The following GRIN2A variants were observed in gnomAD, a reference collection of about 807,000 sequenced individuals.
GRIN2A encodes the protein glutamate ionotropic receptor NMDA type subunit 2A, also known as glutamate receptor ionotropic, NMDA 2A.
In GRIN2A, 22 loss-of-function variants were observed where a neutral mutation model predicts 113.4. The observed-to-expected ratio is 0.19, with a 90% CI of 0.14 to 0.28. GRIN2A has a LOEUF of 0.28. Ranked by LOEUF, GRIN2A falls within the 10% of genes least tolerant of loss-of-function variation. GRIN2A has a pLI of 1.00. For synonymous variants in GRIN2A, 827 were observed against 738.4 expected (o/e 1.12, Z -1.94); for missense variants, 1,502 against 1,887.0 (o/e 0.80, Z 3.78).
chr16:9,821,177 T>C (rs930790356), intron 10 of GRIN2A, among the ~76,000 whole-genome samples: 1 of 152,160 alleles, frequency 6.6e-6, no homozygotes, highest in Non-Finnish European at 1.5e-5. Flanking sequence ...GCACCTACAG[T>C]CATGTTTCCA....
At chr16:9,888,678 GA>G (rs1267527790) in intron 4 of GRIN2A, among the ~76,000 whole-genome samples, 1 of 151,692 alleles carries the variant, frequency 6.6e-6, no homozygotes, top group East Asian at 1.9e-4. Flanking sequence ...GAATAAGACA[GA>G]AAAACTTAAA....
At chr16:9,785,445 G>C (rs1478850758) in intron 11 of GRIN2A, among the ~76,000 whole-genome samples, 3 of 112,972 alleles carry the variant, frequency 2.7e-5, no homozygotes, top group Admixed American at 1.0e-4. Context: ...GTTGTGGGGT[G>C]GGGGGAGGGG....
chr16:9,974,452 T>C (rs1225891964), intron 2 of GRIN2A, among the ~76,000 whole-genome samples: 1 of 152,166 alleles, frequency 6.6e-6, no homozygotes, highest in African/African-American at 2.4e-5. Context: ...CCCAGTCACA[T>C]ACTCCCTGCT....
intron 2 of GRIN2A, among the ~76,000 whole-genome samples, chr16:10,119,267 G>C (rs928390758): frequency 7.9e-5 from 12 of 152,154 alleles, no homozygotes; most frequent in Non-Finnish European, 5.9e-5. Context: ...AAGTTGGGTG[G>C]GAACCTCAGG....
chr16:9,959,334 G>A (rs1330202295), intron 2 of GRIN2A, among the ~76,000 whole-genome samples: 1 of 152,114 alleles, frequency 6.6e-6, no homozygotes, highest in Non-Finnish European at 1.5e-5. Flanking sequence ...AACCTAGAGC[G>A]AAATTATGAT....
At chr16:9,842,973 A>AG (rs1475102548) in intron 5 of GRIN2A, among the ~76,000 whole-genome samples, 18 of 100,136 alleles carry the variant, frequency 1.8e-4, no homozygotes, top group African/African-American at 7.2e-4. Context: ...GAGAGAGAGG[A>AG]AGAAAGAAAG....
intron 2 of GRIN2A, among the ~76,000 whole-genome samples, chr16:10,154,947 G>A (rs1439795076): frequency 6.6e-6 from 1 of 152,202 alleles, no homozygotes; most frequent in African/African-American, 2.4e-5. Flanking sequence ...GGAGTCTTCT[G>A]ATCAAATAGA....
chr16:10,102,974 T>A lies in GRIN2A; in HGVS notation c.414+77024A>T, dbSNP rs182367562. ...CGGTTGCTGCATCATTTAACAAGCATCTATTGTCTGCTCTGTGCCATCCCC... is the reference window on the plus strand; with the variant it reads ...CGGTTGCTGCATCATTTAACAAGCAACTATTGTCTGCTCTGTGCCATCCCC... On this transcript the variant is annotated intron_variant, in intron 2 of 12. Coordinates refer to ENST00000330684, the MANE Select transcript of GRIN2A (RefSeq NM_001134407.3). Among the ~76,000 whole-genome samples the A allele has an allele frequency of 2.0e-3, 308 of 152,332 alleles. 2 individuals carry two copies. Among genetic ancestry groups the A allele is most frequent in the Non-Finnish European group, 3.2e-3 (221 of 68,030 alleles).
At chr16:10,176,791 A>C (rs2050156612) in intron 2 of GRIN2A, among the ~76,000 whole-genome samples, 1 of 152,144 alleles carries the variant, frequency 6.6e-6, no homozygotes, top group African/African-American at 2.4e-5. Flanking sequence ...TGGCACATGT[A>C]TACATATGTA....
At chr16:9,841,157 A>G in intron 5 of GRIN2A, 53 bp from the exon 6 acceptor site, 1 of 1,424,240 alleles carries the variant, frequency 7.0e-7, no homozygotes, top group Non-Finnish European at 9.9e-7. Flanking sequence ...AGGTTTGTTC[A>G]CAATCATTAG....
chr16:9,931,461 C>A (rs544065866), intron 3 of GRIN2A, among the ~76,000 whole-genome samples: 6 of 152,128 alleles, frequency 3.9e-5, no homozygotes, highest in Admixed American at 6.6e-5. Context: ...TACACACGCA[C>A]CCTCTTTAGG....
At chr16:9,800,289 G>C (rs34220554) in intron 10 of GRIN2A, among the ~76,000 whole-genome samples, 1 of 152,068 alleles carries the variant, frequency 6.6e-6, no homozygotes, top group African/African-American at 2.4e-5. Context: ...AGTAGTCCTG[G>C]ATATTGTTTC....
intron 2 of GRIN2A, among the ~76,000 whole-genome samples, chr16:10,011,607 T>A (rs1372822094): frequency 6.6e-6 from 1 of 152,160 alleles, no homozygotes; most frequent in African/African-American, 2.4e-5. Flanking sequence ...CCTTCATGGA[T>A]CCCTAGAGAG....
intron 2 of GRIN2A, among the ~76,000 whole-genome samples, chr16:10,013,015 G>A (rs1253798881): frequency 6.6e-6 from 1 of 152,182 alleles, no homozygotes; most frequent in Non-Finnish European, 1.5e-5. Context: ...TTGGGTGGGA[G>A]GCGGTAGAGG....
chr16:9,798,266 C>G lies in GRIN2A; in HGVS notation c.2356+11G>C, dbSNP rs772691866. 7 of 1,611,220 alleles carry G rather than the reference C, an allele frequency of 4.3e-6. No individual in the cohort carries two copies. The highest frequency in any genetic ancestry group is 5.9e-6 in the Non-Finnish European group (7 of 1,177,738). Reference sequence around the variant, plus strand: ...AGTCCCCCTAAAGAAAGGGGTCACCCGGGGTCTTACCATCACCCACAAACT... The same window carrying G: ...AGTCCCCCTAAAGAAAGGGGTCACCGGGGGTCTTACCATCACCCACAAACT... On this transcript the variant is annotated intron_variant, in intron 11 of 12. Transcript: ENST00000330684.
chr16:9,890,090 C>T (rs891556731), intron 4 of GRIN2A, among the ~76,000 whole-genome samples: 13 of 152,150 alleles, frequency 8.5e-5, no homozygotes, highest in Non-Finnish European at 1.3e-4. Flanking sequence ...CTATATCTTC[C>T]TTCCCTCTAG....
chr16:9,816,740 A>T (rs1174999203), intron 10 of GRIN2A, among the ~76,000 whole-genome samples: 1 of 152,236 alleles, frequency 6.6e-6, no homozygotes, highest in East Asian at 1.9e-4. Flanking sequence ...ATTAGGGCAT[A>T]TCGGAGTCAC....
intron 2 of GRIN2A, among the ~76,000 whole-genome samples, chr16:10,071,921 T>C (rs1350260652): frequency 6.6e-6 from 1 of 152,160 alleles, no homozygotes; most frequent in Non-Finnish European, 1.5e-5. Context: ...GAGAAGGAAA[T>C]GGAGGCACAG....
chr16:9,892,010 C>T (rs1319253538), intron 3 of GRIN2A, among the ~76,000 whole-genome samples: 1 of 152,124 alleles, frequency 6.6e-6, no homozygotes, highest in Non-Finnish European at 1.5e-5. Flanking sequence ...AGGGGAATCA[C>T]CTGAAGTCAG....
Sources: gnomAD v4.1 joint callset for allele counts (sites outside exome capture counted in the v4.1 genomes callset) on GRCh38, gnomAD v4.1.1 for gene constraint, MANE v1.5 for transcripts, NCBI Gene and HGNC (gene_info 2026-07-23, HGNC 2026-07-21) for gene names.